Variants in WRAP53 observed in about 807,000 individuals in gnomAD.
The protein encoded by WRAP53 is telomerase Cajal body protein 1.
A neutral mutation model predicts 56.6 loss-of-function variants in WRAP53; 28 were observed. The observed-to-expected ratio is 0.50, with a 90% CI of 0.37 to 0.68. The LOEUF (loss-of-function observed/expected upper bound fraction) is 0.68, where lower values mean the gene tolerates loss of function less well. Among genes scored for constraint, WRAP53 ranks in the 30% least tolerant of loss-of-function variants. The pLI is 0.00. For synonymous variants in WRAP53, 283 were observed against 283.4 expected (o/e 1.00, Z 0.01); for missense variants, 671 against 715.5 (o/e 0.94, Z 0.71).
rs2074279398 is a variant in WRAP53 at position 7,701,812 on chromosome 17, G to T, written c.955+23G>T. On this transcript the variant is annotated intron_variant, in intron 7 of 10. Transcript: ENST00000396463. This position sits in a 1 kb window ranked among gnomAD's most constrained non-coding sequence, Gnocchi z 4.2. Reference sequence around the variant, plus strand: ...TTGGTAAGCATCTGTGCCTCCAAGGGAGGAGGAGAGGGAAGGGCACTGCCA... The same window carrying T: ...TTGGTAAGCATCTGTGCCTCCAAGGTAGGAGGAGAGGGAAGGGCACTGCCA... 1 of 1,610,736 alleles carries T rather than the reference G, an allele frequency of 6.2e-7. No individual in the cohort carries two copies. The highest frequency in any genetic ancestry group is 1.3e-5 in the African/African-American group (1 of 74,892).
intron 4 of WRAP53, among the ~76,000 whole-genome samples, chr17:7,700,197 C>T (rs2074255950): frequency 6.6e-6 from 1 of 151,896 alleles, no homozygotes; most frequent in Admixed American, 6.6e-5. Flanking sequence ...TACAGGTGTC[C>T]ACCACCACGC....
rs2074293452 is a variant in WRAP53, at chr17:7,702,828, T to C, written c.1250T>C (p.Ile417Thr). The C allele has an allele frequency of 6.2e-7, 1 of 1,613,790 alleles. No individual in the cohort carries two copies. Among genetic ancestry groups the C allele is most frequent in the African/African-American group, 1.3e-5 (1 of 74,868 alleles). ...LGREVTTNQR[I>T]YFDLDPTGQF... is the part of the protein sequence containing the mutation. ...CGAGAGGTGACCACCAATCAGCGCA[T>C]CTACTTCGATCTGGACCCGTGAGTG... The change falls in exon 9 of 11, where the codon ATC (isoleucine) becomes ACC (threonine). Residue 417 changes from isoleucine to threonine, a missense_variant. This residue lies in a region of WRAP53 where 158 missense variants were observed against 215.7 expected (regional missense o/e 0.73). Coordinates refer to ENST00000396463, the MANE Select transcript of WRAP53 (RefSeq NM_001143992.2). This position sits in a 1 kb window ranked among gnomAD's most constrained non-coding sequence, Gnocchi z 5.0.
chr17:7,688,856 G>C lies in WRAP53; in HGVS notation c.208G>C (p.Gly70Arg). 1 of 1,614,212 alleles carries C rather than the reference G, an allele frequency of 6.2e-7. No homozygotes were observed. The highest frequency in any genetic ancestry group is 8.5e-7 in the Non-Finnish European group (1 of 1,180,034). The change falls in exon 2 of 11, where the codon GGG becomes CGG. Residue 70 changes from glycine (G) to arginine (R), a missense_variant. Gly to Arg is a moderately radical substitution (Grantham distance 125, BLOSUM62 -2). Transcript: ENST00000396463. ...GSAVSQELREGDPVSLSTPLE... is the reference protein window; with the variant it reads ...GSAVSQELRERDPVSLSTPLE... ...AGCTGTGTCCCAGGAGCTACGGGAG[G>C]GGGACCCAGTTTCTCTCTCCACTCC...
chr17:7,692,969 C>T (rs1232598389), intron 4 of WRAP53, among the ~76,000 whole-genome samples: 2 of 151,568 alleles, frequency 1.3e-5, no homozygotes, highest in Non-Finnish European at 2.9e-5. Context: ...TCTCGATCTC[C>T]TGACCTCGTG....
At position 7,689,617 on chromosome 17, in the gene WRAP53, C is replaced by T. The variant is rs772847669; in HGVS notation, c.558C>T (p.Thr186=). ...CTCCTGACGGTTCCTGCATCTTGAC[C>T]AATAGTGCTGATAACATCTTGCGAA... ...KWAPDGSCIL[T]NSADNILRIY... is the part of the protein sequence containing the mutation. Residue 186 remains threonine (T), a synonymous_variant, in exon 4 of 11, where the codon ACC becomes ACT. Transcript: ENST00000396463. The T allele has an allele frequency of 4.3e-6, 7 of 1,613,972 alleles. 1 individual carries two copies. The highest frequency in any genetic ancestry group is 2.7e-5 in the African/African-American group (2 of 74,882).
In WRAP53 at chr17:7,703,402, G is replaced by A. The variant is rs199701086; in HGVS notation, c.1563G>A (p.Gly521=). The A allele has an allele frequency of 6.2e-7, 1 of 1,612,606 alleles. No homozygotes were observed. Among genetic ancestry groups the A allele is most frequent in the African/African-American group, 1.3e-5 (1 of 74,860 alleles). Residue 521 remains glycine, a synonymous_variant, in exon 11 of 11, where the codon GGG becomes GGA. Coordinates refer to ENST00000396463, the MANE Select transcript of WRAP53 (RefSeq NM_001143992.2). ...GGCTTCAGCTCTGGTGGTGTGGGGGGGCGCCAGACTCCAGCATCCCTGATG... is the reference window on the plus strand; with the variant it reads ...GGCTTCAGCTCTGGTGGTGTGGGGGAGCGCCAGACTCCAGCATCCCTGATG... ...ECRLQLWWCG[G]APDSSIPDDH...
At chr17:7,699,484 A>ATATATATATATT (rs2074237244) in intron 4 of WRAP53, among the ~76,000 whole-genome samples, 1 of 15,978 alleles carries the variant, frequency 6.3e-5, no homozygotes, top group Non-Finnish European at 1.0e-4. Context: ...ATTTATATAT[A>ATATATATATATT]TATATATATA....
chr17:7,695,403 G>A (rs997780015), intron 4 of WRAP53, among the ~76,000 whole-genome samples: 1 of 152,050 alleles, frequency 6.6e-6, no homozygotes, highest in Admixed American at 6.6e-5. Flanking sequence ...CTTTCTGCAA[G>A]TCTCATTTCC....
At chr17:7,691,446 A>G (rs1178272093) in intron 4 of WRAP53, among the ~76,000 whole-genome samples, 71 of 147,910 alleles carry the variant, frequency 4.8e-4, no homozygotes, top group African/African-American at 1.8e-3. Flanking sequence ...CTGGAGTGCA[A>G]TGGCGTGATC....
chr17:7,688,162 G>A (rs186185308), upstream of WRAP53: 132 of 182,750 alleles, frequency 7.2e-4, no homozygotes, highest in Non-Finnish European at 1.2e-3. Flanking sequence ...TGCAGAAGAG[G>A]TGCAAGACCT....
At chr17:7,688,601 C>G in intron 1 of WRAP53, 40 bp downstream of exon 1, 1 of 1,606,782 alleles carries the variant, frequency 6.2e-7, no homozygotes, top group South Asian at 1.1e-5. Context: ...CTGAGAACTT[C>G]GAAGCCATCC....
chr17:7,690,710 G>A (rs1432034847), intron 4 of WRAP53, among the ~76,000 whole-genome samples: 1 of 152,202 alleles, frequency 6.6e-6, no homozygotes, highest in Non-Finnish European at 1.5e-5. Flanking sequence ...CCAGGAGTTC[G>A]AGACCAGCCT....
chr17:7,698,978 T>G (rs370785513), intron 4 of WRAP53, among the ~76,000 whole-genome samples: 1 of 151,824 alleles, frequency 6.6e-6, no homozygotes, highest in East Asian at 1.9e-4. Context: ...ATTGTTTGCT[T>G]GAGCCCAGGA....
At chr17:7,697,190 A>G (rs9915586) in intron 4 of WRAP53, among the ~76,000 whole-genome samples, 6,792 of 151,838 alleles carry the variant, frequency 0.045, 504 homozygotes, top group African/African-American at 0.15. Flanking sequence ...GTGTGGTGGC[A>G]GGCGCCTGTA....
intron 4 of WRAP53, among the ~76,000 whole-genome samples, chr17:7,697,845 C>T (rs1378115438): frequency 2.7e-5 from 4 of 149,760 alleles, no homozygotes; most frequent in Non-Finnish European, 5.9e-5. Flanking sequence ...TCTGGCAATA[C>T]CAAGAAGATA....
At chr17:7,697,872 T>TTTC (rs1386179840) in intron 4 of WRAP53, among the ~76,000 whole-genome samples, 20 of 148,094 alleles carry the variant, frequency 1.4e-4, no homozygotes, top group African/African-American at 4.6e-4. Flanking sequence ...AATAGACACT[T>TTTC]TTTTTTTTTT....
chr17:7,702,528 C>T lies in WRAP53; in HGVS notation c.1140C>T (p.Asn380=). The T allele has an allele frequency of 1.2e-6, 2 of 1,611,782 alleles. No individual in the cohort carries two copies. The highest frequency in any genetic ancestry group is 1.1e-5 in the South Asian group (1 of 91,036). The part of the protein sequence containing the change: ...ITHLCFHPDG[N]RFFSGARKDA... ...ACCTCTGCTTTCATCCCGATGGCAA[C>T]CGCTTCTTCTCAGGAGCCCGCAAGG... The change falls in exon 8 of 11, where the codon AAC becomes AAT. Residue 380 remains asparagine, a synonymous_variant. Coordinates refer to ENST00000396463, the MANE Select transcript of WRAP53 (RefSeq NM_001143992.2). This position sits in a 1 kb window ranked among gnomAD's most constrained non-coding sequence, Gnocchi z 5.0.
intron 4 of WRAP53, among the ~76,000 whole-genome samples, chr17:7,699,480 A>ATATATATATATATATATATT (rs2074236504): frequency 6.2e-4 from 7 of 11,306 alleles, no homozygotes; most frequent in African/African-American, 2.7e-3. Context: ...ATATATTTAT[A>ATATATATATATATATATATT]TATATATATA....
chr17:7,687,339 A>G (rs1361313837), upstream of WRAP53: 1 of 398,222 alleles, frequency 2.5e-6, no homozygotes, highest in Non-Finnish European at 4.4e-6. Context: ...AGAGCCCGTG[A>G]CTCAGAGAGG....
Sources: allele counts gnomAD v4.1 joint callset (sites outside exome capture counted in the v4.1 genomes callset), GRCh38; gene constraint gnomAD v4.1.1; regional missense constraint gnomAD v4.1.1; non-coding constraint Gnocchi (gnomAD v3.1); transcripts MANE v1.5; gene names NCBI Gene and HGNC (gene_info 2026-07-23, HGNC 2026-07-21).